The following LINGO2 variants were observed in gnomAD, a reference collection of about 807,000 sequenced individuals.
LINGO2 encodes the protein leucine rich repeat and Ig domain containing 2, also known as leucine-rich repeat and immunoglobulin-like domain-containing nogo receptor-interacting protein 2.
A neutral mutation model predicts 30.6 loss-of-function variants in LINGO2; 14 were observed. That is an observed-to-expected ratio of 0.46 (90% confidence interval 0.30 to 0.72). The LOEUF (loss-of-function observed/expected upper bound fraction) is 0.72. LINGO2 is among the 30% of genes least tolerant of loss of function. The pLI, the probability that LINGO2 is intolerant of heterozygous loss-of-function variation, is 0.07. For synonymous variants in LINGO2, 317 were observed against 288.5 expected (o/e 1.10, Z -1.00); for missense variants, 729 against 751.7 (o/e 0.97, Z 0.35).
the LINGO2 span, among the ~76,000 whole-genome samples, chr9:28,923,322 T>G: frequency 5.3e-5 from 8 of 152,316 alleles, no homozygotes; most frequent in Non-Finnish European, 8.8e-5. Flanking sequence ...AGACTGAATT[T>G]TCAGAATCTC....
chr9:28,455,014 C>T (rs936935081), intron 2 of LINGO2, among the ~76,000 whole-genome samples: 3 of 152,032 alleles, frequency 2.0e-5, no homozygotes, highest in Non-Finnish European at 4.4e-5. Context: ...TTTTCCAAAT[C>T]ATTTTGTTAT....
chr9:28,223,221 C>G (rs1587261496), intron 4 of LINGO2, among the ~76,000 whole-genome samples: 2 of 152,168 alleles, frequency 1.3e-5, no homozygotes. Context: ...TCTCACAGTT[C>G]TGGAGGCTGA....
chr9:29,181,156 T>C, the LINGO2 span, among the ~76,000 whole-genome samples: 1 of 152,326 alleles, frequency 6.6e-6, no homozygotes, highest in African/African-American at 2.4e-5. Flanking sequence ...AAGAGTGGAT[T>C]CAAATGCCAG....
intron 1 of LINGO2, among the ~76,000 whole-genome samples, chr9:28,667,733 G>T (rs1343194426): frequency 6.6e-6 from 1 of 152,110 alleles, no homozygotes; most frequent in Admixed American, 6.6e-5. Flanking sequence ...AACAGAGTGA[G>T]CCTCTGTCAA....
At chr9:28,296,396 G>T (rs949465448) in intron 3 of LINGO2, among the ~76,000 whole-genome samples, 8 of 152,122 alleles carry the variant, frequency 5.3e-5, no homozygotes, top group Non-Finnish European at 1.0e-4. Context: ...TCTACGTAGT[G>T]CACAGAAAGG....
At chr9:28,935,311 A>G in the LINGO2 span, among the ~76,000 whole-genome samples, 14 of 152,238 alleles carry the variant, frequency 9.2e-5, no homozygotes, top group South Asian at 2.5e-3. Context: ...AGTGATCTCA[A>G]ACATGGAACT....
chr9:28,451,339 A>G (rs1409908437), intron 2 of LINGO2, among the ~76,000 whole-genome samples: 1 of 151,848 alleles, frequency 6.6e-6, no homozygotes, highest in African/African-American at 2.4e-5. Flanking sequence ...TAGAATGCTT[A>G]TCTCACTTCT....
intron 5 of LINGO2, among the ~76,000 whole-genome samples, chr9:27,954,159 T>C (rs1000706522): frequency 5.3e-5 from 8 of 152,160 alleles, no homozygotes; most frequent in South Asian, 2.1e-4. Flanking sequence ...TTAGAGTATA[T>C]AGAGTATCCA....
At chr9:29,137,220 G>A in the LINGO2 span, among the ~76,000 whole-genome samples, 1 of 152,086 alleles carries the variant, frequency 6.6e-6, no homozygotes, top group Admixed American at 6.6e-5. Flanking sequence ...ACTTAACCAT[G>A]ACTTTAAGTA....
intron 4 of LINGO2, among the ~76,000 whole-genome samples, chr9:28,065,774 A>G (rs1825295215): frequency 6.6e-6 from 1 of 152,112 alleles, no homozygotes; most frequent in African/African-American, 2.4e-5. Flanking sequence ...GTCTTTATCT[A>G]CATGTGAAAG....
chr9:28,502,918 GC>G (rs1401074853), intron 1 of LINGO2, among the ~76,000 whole-genome samples: 3 of 152,094 alleles, frequency 2.0e-5, no homozygotes, highest in African/African-American at 4.8e-5. Context: ...AGATGGCAAA[GC>G]CTCCTTAATA....
the LINGO2 span, among the ~76,000 whole-genome samples, chr9:28,985,640 T>C: frequency 4.6e-5 from 7 of 152,148 alleles, no homozygotes; most frequent in African/African-American, 1.2e-4. Context: ...CTCATATATA[T>C]GTTGGACATT....
chr9:29,120,533 G>A, the LINGO2 span, among the ~76,000 whole-genome samples: 9 of 152,234 alleles, frequency 5.9e-5, no homozygotes, highest in African/African-American at 2.2e-4. Flanking sequence ...ACTACTAACT[G>A]TGGTCCAACT....
At chr9:28,777,919 A>G in the LINGO2 span, among the ~76,000 whole-genome samples, 1 of 152,180 alleles carries the variant, frequency 6.6e-6, no homozygotes, top group Middle Eastern at 3.2e-3. Context: ...CTGACAGCAC[A>G]TCCCATAGTT....
intron 4 of LINGO2, among the ~76,000 whole-genome samples, chr9:28,051,458 G>C (rs1824668270): frequency 6.6e-6 from 1 of 152,068 alleles, no homozygotes; most frequent in African/African-American, 2.4e-5. Context: ...TGCACCAAGT[G>C]TATGCACATC....
chr9:28,334,763 G>C (rs1462741180), intron 3 of LINGO2, among the ~76,000 whole-genome samples: 1 of 152,112 alleles, frequency 6.6e-6, no homozygotes, highest in African/African-American at 2.4e-5. Flanking sequence ...GCAGGTATTG[G>C]AGCACCACAG....
intron 4 of LINGO2, among the ~76,000 whole-genome samples, chr9:28,281,437 A>G: frequency 6.6e-6 from 1 of 150,620 alleles, no homozygotes; most frequent in Middle Eastern, 3.4e-3. Context: ...ATTCATATGC[A>G]TATTCATTAT....
intron 4 of LINGO2, among the ~76,000 whole-genome samples, chr9:28,217,671 A>G (rs563725185): frequency 6.6e-6 from 1 of 152,128 alleles, no homozygotes; most frequent in African/African-American, 2.4e-5. Flanking sequence ...GATGTCCAAA[A>G]TAGCCTTCAC....
intron 1 of LINGO2, among the ~76,000 whole-genome samples, chr9:28,590,836 C>G (rs62560668): frequency 6.6e-6 from 1 of 152,130 alleles, no homozygotes; most frequent in African/African-American, 2.4e-5. Flanking sequence ...ATAAATCATG[C>G]TGCTATAAAG....
Sources: allele counts gnomAD v4.1 joint callset (sites outside exome capture counted in the v4.1 genomes callset), GRCh38; gene constraint gnomAD v4.1.1; transcripts MANE v1.5; gene names NCBI Gene and HGNC (gene_info 2026-07-23, HGNC 2026-07-21).